NUBPL: variants seen among roughly 807,000 people sequenced by gnomAD.
NUBPL encodes the protein iron-sulfur cluster transfer protein NUBPL.
In NUBPL, 31 loss-of-function variants were observed where a neutral mutation model predicts 45.7. That is an observed-to-expected ratio of 0.68 (90% CI 0.51 to 0.92). The LOEUF is 0.92. Ranked by LOEUF, NUBPL falls within the 40% of genes least tolerant of loss-of-function variation. The probability of loss-of-function intolerance (pLI) is 0.00; values close to 1 mark genes in which losing one functional copy is unlikely to be tolerated. For synonymous variants in NUBPL, 144 were observed against 140.9 expected, an observed-to-expected ratio of 1.02 and a Z score of -0.15; for missense variants, 401 against 398.7, an observed-to-expected ratio of 1.01 and a Z score of -0.05.
chr14:31,587,184 GC>G (rs1397026671), intron 3 of NUBPL, among the ~76,000 whole-genome samples: 1 of 152,124 alleles, frequency 6.6e-6, no homozygotes. Flanking sequence ...TTAACAAGTT[GC>G]CCGGGTGGTT....
At chr14:31,580,287 A>T (rs192609928) in intron 3 of NUBPL, among the ~76,000 whole-genome samples, 1 of 152,356 alleles carries the variant, frequency 6.6e-6, no homozygotes, top group Non-Finnish European at 1.5e-5. Flanking sequence ...TTAGGTGGTT[A>T]TAATGGTTAC....
chr14:31,578,442 A>G (rs946617944), intron 3 of NUBPL, among the ~76,000 whole-genome samples: 2 of 152,196 alleles, frequency 1.3e-5, no homozygotes, highest in South Asian at 4.1e-4. Context: ...CTGGTCAGGA[A>G]TGTGTGATGG....
intron 6 of NUBPL, among the ~76,000 whole-genome samples, chr14:31,744,955 C>G: frequency 6.6e-6 from 1 of 152,092 alleles, no homozygotes; most frequent in East Asian, 1.9e-4. Flanking sequence ...AATCTTCAGA[C>G]ACAGCTTAAA....
chr14:31,677,354 C>G (rs1188973767), intron 6 of NUBPL, among the ~76,000 whole-genome samples: 1 of 152,174 alleles, frequency 6.6e-6, no homozygotes, highest in Non-Finnish European at 1.5e-5. Context: ...TTCACATCCT[C>G]AGGTAACCAT....
intron 8 of NUBPL, among the ~76,000 whole-genome samples, chr14:31,836,226 G>A (rs562065470): frequency 1.9e-4 from 29 of 152,226 alleles, no homozygotes; most frequent in South Asian, 4.2e-4. Flanking sequence ...AAAATCACAC[G>A]CAAAAAGGTT....
intron 3 of NUBPL, among the ~76,000 whole-genome samples, chr14:31,572,086 A>G (rs1284198756): frequency 6.6e-6 from 1 of 151,934 alleles, no homozygotes; most frequent in Admixed American, 6.6e-5. Flanking sequence ...GCCAACCTAG[A>G]TCCTGTGCTC....
At chr14:31,589,983 A>G (rs957615277) in intron 3 of NUBPL, among the ~76,000 whole-genome samples, 1 of 152,208 alleles carries the variant, frequency 6.6e-6, no homozygotes, top group African/African-American at 2.4e-5. Context: ...TTTGCTTATG[A>G]GTTAGAATGA....
chr14:31,807,330 G>A (rs1257404133), intron 7 of NUBPL, among the ~76,000 whole-genome samples: 1 of 151,882 alleles, frequency 6.6e-6, no homozygotes, highest in Non-Finnish European at 1.5e-5. Context: ...GGTGTGAGGT[G>A]GTATCTCATT....
intron 6 of NUBPL, among the ~76,000 whole-genome samples, chr14:31,751,953 G>C (rs1251839856): frequency 6.6e-6 from 1 of 152,186 alleles, no homozygotes; most frequent in Non-Finnish European, 1.5e-5. Context: ...TGCATTCTCT[G>C]AAGTAATGGC....
intron 6 of NUBPL, among the ~76,000 whole-genome samples, chr14:31,772,698 A>G (rs2039029626): frequency 6.6e-6 from 1 of 152,186 alleles, no homozygotes; most frequent in Admixed American, 6.5e-5. Flanking sequence ...TCAGATCGTC[A>G]GGGCCAGCCT....
chr14:31,856,343 A>G (rs1159069643), intron 10 of NUBPL, among the ~76,000 whole-genome samples: 1 of 152,142 alleles, frequency 6.6e-6, no homozygotes, highest in Non-Finnish European at 1.5e-5. Flanking sequence ...GGTTCTTCCC[A>G]TGACACATGG....
intron 6 of NUBPL, among the ~76,000 whole-genome samples, chr14:31,697,831 G>C (rs2037246073): frequency 6.6e-6 from 1 of 152,128 alleles, no homozygotes; most frequent in African/African-American, 2.4e-5. Flanking sequence ...ATGACTTGCT[G>C]AGCCTTTAGG....
intron 3 of NUBPL, among the ~76,000 whole-genome samples, chr14:31,583,911 G>A (rs77334655): frequency 1.3e-5 from 2 of 152,240 alleles, no homozygotes; most frequent in African/African-American, 4.8e-5. Flanking sequence ...CAACTGAGTT[G>A]ATGTTAGATA....
chr14:31,801,927 A>T (rs1179738761), intron 7 of NUBPL, among the ~76,000 whole-genome samples: 1 of 152,206 alleles, frequency 6.6e-6, no homozygotes, highest in Admixed American at 6.5e-5. Context: ...GTAGTCAGCT[A>T]GTTAATATGT....
At chr14:31,843,129 C>A (rs760550048) in intron 8 of NUBPL, among the ~76,000 whole-genome samples, 6 of 152,330 alleles carry the variant, frequency 3.9e-5, no homozygotes, top group African/African-American at 1.4e-4. Flanking sequence ...GGCACCCAGA[C>A]TGATACAGCA....
chr14:31,840,722 T>C (rs7141300), intron 8 of NUBPL, among the ~76,000 whole-genome samples: 63,945 of 151,676 alleles, frequency 0.42, 13,897 homozygotes, highest in South Asian at 0.54. Flanking sequence ...AGTTGTATTA[T>C]AGAGGTAGAG....
At chr14:31,591,198 T>C (rs2034133319) in intron 3 of NUBPL, among the ~76,000 whole-genome samples, 1 of 152,200 alleles carries the variant, frequency 6.6e-6, no homozygotes, top group Non-Finnish European at 1.5e-5. Context: ...TTTATCACTC[T>C]GTCACCCAGG....
chr14:31,719,460 A>C (rs780280533), intron 6 of NUBPL, among the ~76,000 whole-genome samples: 1 of 151,520 alleles, frequency 6.6e-6, no homozygotes, highest in Non-Finnish European at 1.5e-5. Flanking sequence ...TCCATTTTAT[A>C]CTTTATAATT....
At chr14:31,790,008 G>A (rs917751107) in intron 7 of NUBPL, among the ~76,000 whole-genome samples, 2 of 149,374 alleles carry the variant, frequency 1.3e-5, no homozygotes, top group African/African-American at 5.0e-5. Context: ...TTAAAAAAAT[G>A]TGCTTCTGAT....
Sources: gnomAD v4.1 joint callset for allele counts (sites outside exome capture counted in the v4.1 genomes callset) on GRCh38, gnomAD v4.1.1 for gene constraint, MANE v1.5 for transcripts, NCBI Gene and HGNC (gene_info 2026-07-23, HGNC 2026-07-21) for gene names.